GABRG3: variants seen among roughly 807,000 people sequenced by gnomAD.
The protein encoded by GABRG3 is gamma-aminobutyric acid receptor subunit gamma-3.
GABRG3 carries 25 observed loss-of-function variants against 48.8 expected under a neutral mutation model. The observed-to-expected ratio is 0.51, with a 90% CI of 0.37 to 0.72. The LOEUF (loss-of-function observed/expected upper bound fraction) is 0.72. Among genes scored for constraint, GABRG3 ranks in the 30% least tolerant of loss-of-function variants. The pLI is 0.00. For missense variants in GABRG3, 394 were observed against 577.9 expected (o/e 0.68, Z 3.26); for synonymous variants, 227 against 217.6 (o/e 1.04, Z -0.38).
chr15:27,469,987 C>T (rs758510570), intron 5 of GABRG3, among the ~76,000 whole-genome samples: 5 of 152,098 alleles, frequency 3.3e-5, no homozygotes, highest in South Asian at 4.2e-4. Context: ...ATTCATCGGA[C>T]GCTGTGAAGT....
At chr15:27,323,152 G>A (rs1049146825) in intron 3 of GABRG3, among the ~76,000 whole-genome samples, 4 of 152,170 alleles carry the variant, frequency 2.6e-5, no homozygotes, top group African/African-American at 9.7e-5. Flanking sequence ...CTTACCCTGT[G>A]TATAGACTAA....
intron 3 of GABRG3, among the ~76,000 whole-genome samples, chr15:27,029,376 G>T (rs116948377): frequency 1.3e-5 from 2 of 152,118 alleles, no homozygotes; most frequent in Non-Finnish European, 2.9e-5. Context: ...AAGACACAAC[G>T]TACTACTAGC....
chr15:27,159,198 C>T (rs1460420448), intron 3 of GABRG3, among the ~76,000 whole-genome samples: 1 of 152,072 alleles, frequency 6.6e-6, no homozygotes, highest in Non-Finnish European at 1.5e-5. Flanking sequence ...AAGAAAAATA[C>T]AGGCCGGGCA....
intron 3 of GABRG3, among the ~76,000 whole-genome samples, chr15:27,167,326 T>C (rs1251969005): frequency 6.6e-6 from 1 of 152,180 alleles, no homozygotes; most frequent in African/African-American, 2.4e-5. Context: ...TTGCTTTCTC[T>C]CCCTGGACTT....
At chr15:27,042,530 C>T (rs1266928231) in intron 3 of GABRG3, among the ~76,000 whole-genome samples, 1 of 152,156 alleles carries the variant, frequency 6.6e-6, no homozygotes, top group African/African-American at 2.4e-5. Context: ...GCGGTGGTTG[C>T]AGCTGGCTCA....
intron 3 of GABRG3, among the ~76,000 whole-genome samples, chr15:27,153,349 C>T (rs552064562): frequency 7.2e-5 from 11 of 152,210 alleles, no homozygotes; most frequent in Admixed American, 7.2e-4. Context: ...TTCCATTGAT[C>T]TATGTGTGTA....
chr15:27,153,224 C>A (rs946355938), intron 3 of GABRG3, among the ~76,000 whole-genome samples: 39 of 152,276 alleles, frequency 2.6e-4, no homozygotes, highest in African/African-American at 8.2e-4. Flanking sequence ...TTATGAATAT[C>A]TCATTATTTC....
intron 3 of GABRG3, among the ~76,000 whole-genome samples, chr15:27,085,242 G>T (rs985681330): frequency 1.3e-5 from 2 of 152,140 alleles, no homozygotes; most frequent in African/African-American, 4.8e-5. Flanking sequence ...CTGTGATCTT[G>T]TTATTTGTAA....
chr15:27,084,134 G>A (rs1254267953), intron 3 of GABRG3, among the ~76,000 whole-genome samples: 2 of 152,126 alleles, frequency 1.3e-5, no homozygotes, highest in Non-Finnish European at 2.9e-5. Flanking sequence ...CTTTGCTCAC[G>A]CTCCATCCTC....
intron 3 of GABRG3, among the ~76,000 whole-genome samples, chr15:27,151,350 T>G (rs28413037): frequency 8.5e-6 from 1 of 117,328 alleles, no homozygotes; most frequent in African/African-American, 3.8e-5. Context: ...TGCTACCTTT[T>G]GGGACTGTTT....
intron 3 of GABRG3, among the ~76,000 whole-genome samples, chr15:27,245,845 C>T (rs1342428782): frequency 6.6e-6 from 1 of 152,150 alleles, no homozygotes; most frequent in Admixed American, 6.5e-5. Context: ...CAGTGCGAGA[C>T]TCCATCTCAA....
At chr15:27,506,071 G>A (rs904719317) in intron 6 of GABRG3, among the ~76,000 whole-genome samples, 4 of 152,088 alleles carry the variant, frequency 2.6e-5, no homozygotes, top group Admixed American at 6.5e-5. Flanking sequence ...TTACCTTCCC[G>A]TAATGTTGCC....
At chr15:27,099,962 A>G (rs1897328006) in intron 3 of GABRG3, among the ~76,000 whole-genome samples, 1 of 152,170 alleles carries the variant, frequency 6.6e-6, no homozygotes, top group Non-Finnish European at 1.5e-5. Flanking sequence ...CACGTCTGTA[A>G]TCCCAGCACT....
rs192291464 is a variant in GABRG3 at position 27,508,782 on chromosome 15, C to G, written c.713-11190C>G. Among the ~76,000 whole-genome samples the G allele has an allele frequency of 1.5e-4, 23 of 152,074 alleles. No homozygotes were observed. In the South Asian group the frequency reaches 4.8e-3, roughly 32 times the overall value. ...AGGCTGGAGTACAGTGGCGTGATCT[C>G]GGCTCACTGCAAACTCTGCCTCCCA... On this transcript the variant is annotated intron_variant, in intron 6 of 9. Coordinates refer to ENST00000615808, the MANE Select transcript of GABRG3 (RefSeq NM_033223.5).
chr15:27,477,647 G>A (rs1385666246), intron 5 of GABRG3, among the ~76,000 whole-genome samples: 1 of 152,164 alleles, frequency 6.6e-6, no homozygotes, highest in Non-Finnish European at 1.5e-5. Context: ...CAATGGAGGA[G>A]GCTGTGCATG....
At chr15:27,052,706 C>A (rs748470757) in intron 3 of GABRG3, among the ~76,000 whole-genome samples, 1 of 152,100 alleles carries the variant, frequency 6.6e-6, no homozygotes, top group African/African-American at 2.4e-5. Context: ...ATACAGTGGA[C>A]AATTTGGGGG....
chr15:27,309,008 AAT>A (rs147829613), intron 3 of GABRG3, among the ~76,000 whole-genome samples: 2,371 of 150,924 alleles, frequency 0.016, 37 homozygotes, highest in South Asian at 0.035. Context: ...ATAATGTAAA[AAT>A]ATATGTTTAT....
intron 3 of GABRG3, among the ~76,000 whole-genome samples, chr15:27,195,106 TTTTCATTTAGGAA>T (rs145456742): frequency 0.99 from 151,329 of 152,200 alleles, 75,230 homozygotes; most frequent in East Asian, 1. Context: ...TTTCTGAGCT[TTTTCATTTAGGAA>T]TTTCTTTCAG....
chr15:27,113,208 G>T (rs72718134), intron 3 of GABRG3, among the ~76,000 whole-genome samples: 3,038 of 151,614 alleles, frequency 0.02, 81 homozygotes, highest in Non-Finnish European at 0.022. Context: ...CTGCAATAAT[G>T]ATTATCTCTT....
Sources: gnomAD v4.1 joint callset for allele counts (sites outside exome capture counted in the v4.1 genomes callset) on GRCh38, gnomAD v4.1.1 for gene constraint, MANE v1.5 for transcripts, NCBI Gene and HGNC (gene_info 2026-07-23, HGNC 2026-07-21) for gene names.